Variants in SOBP observed in about 807,000 individuals in gnomAD.
SOBP encodes sine oculis-binding protein homolog.
In SOBP, 4 loss-of-function variants were observed where a neutral mutation model predicts 53.6. The observed-to-expected ratio is 0.07, with a 90% CI of 0.04 to 0.17. The LOEUF is 0.17. Ranked by LOEUF, SOBP falls within the 10% of genes least tolerant of loss-of-function variation. The pLI, the probability that SOBP is intolerant of heterozygous loss-of-function variation, is 1.00. For missense variants in SOBP, 1,088 were observed against 1,204.7 expected (o/e 0.90, Z 1.43); for synonymous variants, 584 against 522.6 (o/e 1.12, Z -1.60).
chr6:107,570,709 A>C (rs1259936811), intron 4 of SOBP, among the ~76,000 whole-genome samples: 4 of 152,216 alleles, frequency 2.6e-5, no homozygotes, highest in Non-Finnish European at 4.4e-5. Context: ...TTTTCCACCC[A>C]CGGGCCCTGC....
At chr6:107,640,138 C>T (rs1305053737) in intron 6 of SOBP, among the ~76,000 whole-genome samples, 1 of 152,110 alleles carries the variant, frequency 6.6e-6, no homozygotes, top group Admixed American at 6.6e-5. Flanking sequence ...ATTGGGGAAG[C>T]CAAAAGGGTG....
At chr6:107,596,164 G>C (rs66482817) in intron 5 of SOBP, among the ~76,000 whole-genome samples, 15,766 of 152,070 alleles carry the variant, frequency 0.1, 1,035 homozygotes, top group African/African-American at 0.19. Context: ...TTAGCTCACA[G>C]CATTTTTCAT....
rs566989536 is a variant in SOBP, at chr6:107,564,664, C to G, written c.574-22416C>G. Reference sequence around the variant, plus strand: ...TAATAAAACTGTCTGGGGGCACAAACCTGAGTGGCGTGGCTCAGAGTTTCC... The same window carrying G: ...TAATAAAACTGTCTGGGGGCACAAAGCTGAGTGGCGTGGCTCAGAGTTTCC... On this transcript the variant is annotated intron_variant, in intron 4 of 6. Coordinates refer to ENST00000317357, the MANE Select transcript of SOBP (RefSeq NM_018013.4). Among the ~76,000 whole-genome samples the G allele has an allele frequency of 4.7e-5, 7 of 149,464 alleles. No homozygotes were observed. In the South Asian group the frequency reaches 1.5e-3, roughly 32 times the overall value.
chr6:107,518,565 C>T (rs1352812622), intron 3 of SOBP, among the ~76,000 whole-genome samples: 2 of 152,094 alleles, frequency 1.3e-5, no homozygotes, highest in Non-Finnish European at 2.9e-5. Flanking sequence ...GCCAAAGGCA[C>T]ATAAAATAAT....
rs1031904005 is a variant in SOBP, at chr6:107,586,142, C to T, written c.574-938C>T. Among the ~76,000 whole-genome samples, 41 of 152,130 alleles carry T rather than the reference C, an allele frequency of 2.7e-4. 1 individual carries two copies. ...ATCAGCTGGCAGGGAGCCAGGAGCT[C>T]ATCATTTTAATGCAGTGTAAAATGG... is the stretch of plus-strand genomic sequence containing the variant. On this transcript the variant is annotated intron_variant, in intron 4 of 6. Transcript: ENST00000317357.
intron 1 of SOBP, among the ~76,000 whole-genome samples, chr6:107,495,132 G>A (rs1009933804): frequency 2.6e-5 from 4 of 152,170 alleles, no homozygotes; most frequent in African/African-American, 9.7e-5. Flanking sequence ...TCCCACTGTG[G>A]CATTCACAAA....
At chr6:107,653,467 G>A (rs1332188901) in intron 6 of SOBP, among the ~76,000 whole-genome samples, 4 of 152,244 alleles carry the variant, frequency 2.6e-5, no homozygotes. Flanking sequence ...GTGCCCGAGT[G>A]AGTGGATCTC....
intron 4 of SOBP, among the ~76,000 whole-genome samples, chr6:107,584,566 G>A (rs779036032): frequency 1.1e-4 from 17 of 152,144 alleles, no homozygotes; most frequent in Non-Finnish European, 2.1e-4. Context: ...AGTCAGGGTG[G>A]GTGTTAGAGG....
chr6:107,620,287 T>C (rs1047720832), intron 5 of SOBP, among the ~76,000 whole-genome samples: 1 of 152,208 alleles, frequency 6.6e-6, no homozygotes. Context: ...ACTCTCTAAT[T>C]TGTGACCTAT....
At chr6:107,529,563 T>A (rs1411770586) in intron 3 of SOBP, 1 of 985,334 alleles carries the variant, frequency 1.0e-6, no homozygotes, top group African/African-American at 1.7e-5. Context: ...ACAGTTTAAT[T>A]GCCTGGAGTC....
At chr6:107,492,266 ACCTCCTGT>A (rs1296986041) in intron 1 of SOBP, among the ~76,000 whole-genome samples, 10 of 149,742 alleles carry the variant, frequency 6.7e-5, no homozygotes, top group African/African-American at 2.5e-4. Flanking sequence ...ACTTACCCTT[ACCTCCTGT>A]CCTGCATTTC....
At chr6:107,491,659 A>G (rs1782584395) in intron 1 of SOBP, among the ~76,000 whole-genome samples, 1 of 151,662 alleles carries the variant, frequency 6.6e-6, no homozygotes, top group Middle Eastern at 3.4e-3. Flanking sequence ...ACGAGTCTCT[A>G]TTGATATAAA....
rs1239955080 is a variant in SOBP at position 107,634,816 on chromosome 6, G to A, written c.1972G>A (p.Val658Met). 2 of 1,408,622 alleles carry A rather than the reference G, an allele frequency of 1.4e-6. No homozygotes were observed. The highest frequency in any genetic ancestry group is 1.5e-5 in the African/African-American group (1 of 66,832). 87.3% of individuals were successfully genotyped at this position (1,408,622 alleles called of 1,614,324 possible). A position where few individuals can be genotyped will look rare whatever the true frequency, so the allele number is the denominator to read the frequency against. Residue 658 changes from valine to methionine, a missense_variant, in exon 6 of 7, where the codon GTG becomes ATG. This residue lies in a region of SOBP where 665 missense variants were observed against 629.7 expected (regional missense o/e 1.06). Coordinates refer to ENST00000317357, the MANE Select transcript of SOBP (RefSeq NM_018013.4). The surrounding 1 kb of genome is among the most constrained non-coding windows in gnomAD (Gnocchi z 4.5). The stretch of plus-strand genomic sequence containing the variant: ...GCAGGACGGCGTCATCGACCTGACC[G>A]TGGGCCACCGAGCCCGGCTGCACAA... ...GPQDGVIDLT[V>M]GHRARLHNVI...
intron 4 of SOBP, among the ~76,000 whole-genome samples, chr6:107,554,288 C>T (rs1438296389): frequency 6.6e-6 from 1 of 152,186 alleles, no homozygotes; most frequent in African/African-American, 2.4e-5. Context: ...AGAGCAATCC[C>T]AGACCTCTCA....
chr6:107,619,355 T>C (rs1020996011), intron 5 of SOBP, among the ~76,000 whole-genome samples: 1 of 152,214 alleles, frequency 6.6e-6, no homozygotes, highest in Non-Finnish European at 1.5e-5. Context: ...TTTGAAAAGC[T>C]GGGGAAACTC....
In SOBP at chr6:107,504,693, T is replaced by G. The variant is rs377585477; in HGVS notation, c.235+898T>G. Among the ~76,000 whole-genome samples, 52 of 152,352 alleles carry G rather than the reference T, an allele frequency of 3.4e-4. No individual in the cohort carries two copies. The South Asian group carries it at 0.011, about 32-fold the overall frequency. On this transcript the variant is annotated intron_variant, in intron 2 of 6. Coordinates refer to ENST00000317357, the MANE Select transcript of SOBP (RefSeq NM_018013.4). ...ACCTGTTCAAACGTTTTATTTCCAG[T>G]CTTTAAGATAGAGCTTTCCCTTCTT...
chr6:107,593,334 C>T (rs1478335384), intron 5 of SOBP, among the ~76,000 whole-genome samples: 1 of 152,188 alleles, frequency 6.6e-6, no homozygotes, highest in African/African-American at 2.4e-5. Context: ...TTGGCAGGCT[C>T]TCCTTTCCAG....
intron 5 of SOBP, among the ~76,000 whole-genome samples, chr6:107,596,610 T>C (rs1785956192): frequency 6.6e-6 from 1 of 152,198 alleles, no homozygotes; most frequent in Non-Finnish European, 1.5e-5. Context: ...CCAGATAAGC[T>C]GAGTTTAAAA....
At chr6:107,624,590 A>G (rs865950317) in intron 5 of SOBP, among the ~76,000 whole-genome samples, 2 of 152,236 alleles carry the variant, frequency 1.3e-5, no homozygotes, top group Non-Finnish European at 2.9e-5. Flanking sequence ...GGTTGACAAC[A>G]AAATAGACTG....
Sources: allele counts gnomAD v4.1 joint callset (sites outside exome capture counted in the v4.1 genomes callset), GRCh38; gene constraint gnomAD v4.1.1; regional missense constraint gnomAD v4.1.1; non-coding constraint Gnocchi (gnomAD v3.1); transcripts MANE v1.5; gene names NCBI Gene and HGNC (gene_info 2026-07-23, HGNC 2026-07-21).